The following UBIAD1 variants were observed in gnomAD, a reference collection of about 807,000 sequenced individuals.
The protein encoded by UBIAD1 is UbiA prenyltransferase domain containing 1, also known as ubiA prenyltransferase domain-containing protein 1.
A neutral mutation model predicts 20.1 loss-of-function variants in UBIAD1; 12 were observed. The ratio of observed to expected loss-of-function variants is 0.60; its 90% CI spans 0.38 to 0.97. The LOEUF is 0.97. UBIAD1 is among the 50% of genes least tolerant of loss of function. UBIAD1 has a pLI of 0.00. For synonymous variants in UBIAD1, 207 were observed against 189.2 expected, an observed-to-expected ratio of 1.09 and a Z score of -0.77; for missense variants, 333 against 419.5, an observed-to-expected ratio of 0.79 and a Z score of 1.80.
chr1:11,288,922 AC>A (rs1387777602), downstream of UBIAD1, among the ~76,000 whole-genome samples: 142 of 152,020 alleles, frequency 9.3e-4, 1 homozygote, highest in African/African-American at 2.8e-3. Flanking sequence ...AAAAAAAAAA[AC>A]AAAACAAAAA....
chr1:11,289,974 C>T (rs1335255786), downstream of UBIAD1, among the ~76,000 whole-genome samples: 2 of 151,982 alleles, frequency 1.3e-5, no homozygotes, highest in African/African-American at 4.8e-5. Flanking sequence ...TTGAGATTCA[C>T]CCGCCTTGGC....
At chr1:11,279,311 C>G (rs1467573300) in intron 1 of UBIAD1, 1 of 216,402 alleles carries the variant, frequency 4.6e-6, no homozygotes, top group Admixed American at 4.2e-5. Context: ...AAGGTTTTGA[C>G]CTGAGAACTG....
At chr1:11,281,615 T>G (rs1304576219) in intron 1 of UBIAD1, among the ~76,000 whole-genome samples, 1 of 152,164 alleles carries the variant, frequency 6.6e-6, no homozygotes, top group Non-Finnish European at 1.5e-5. Flanking sequence ...TGTTGCAGCT[T>G]GATGAATTTT....
At chr1:11,294,964 T>C in exon 2 of UBIAD1, 2 of 717,362 alleles carry the variant, frequency 2.8e-6, no homozygotes, top group Non-Finnish European at 5.2e-6. Context: ...CTTCTAGACC[T>C]GCCTCCTGAG....
intron 1 of UBIAD1, among the ~76,000 whole-genome samples, chr1:11,274,492 T>C (rs1257853972): frequency 6.6e-6 from 1 of 151,184 alleles, no homozygotes; most frequent in African/African-American, 2.4e-5. Flanking sequence ...AGAGACGGGG[T>C]GTCACCATGT....
At chr1:11,283,229 T>C (rs1652303710) in intron 1 of UBIAD1, among the ~76,000 whole-genome samples, 2 of 152,192 alleles carry the variant, frequency 1.3e-5, no homozygotes, top group South Asian at 4.1e-4. Flanking sequence ...AGGTCAAGGC[T>C]GTAGTGCTGT....
chr1:11,297,912 C>A (rs1338947132), downstream of UBIAD1, among the ~76,000 whole-genome samples: 4 of 151,966 alleles, frequency 2.6e-5, no homozygotes, highest in African/African-American at 9.7e-5. Context: ...CATCTGATGT[C>A]TGTTTTACCA....
At chr1:11,274,208 T>A in intron 1 of UBIAD1, 148 bp downstream of exon 1, 1 of 1,082,614 alleles carries the variant, frequency 9.2e-7, no homozygotes, top group East Asian at 2.6e-5. Context: ...GATGTGAATT[T>A]TTTGAAACAG....
At chr1:11,297,997 G>A (rs1001454009), downstream of UBIAD1, among the ~76,000 whole-genome samples, 64 of 150,592 alleles carry the variant, frequency 4.2e-4, no homozygotes, top group African/African-American at 1.6e-3. Context: ...TTTTGCTCTT[G>A]TTGCCCAGGC....
chr1:11,273,653 C>A lies in UBIAD1; in HGVS notation c.122C>A (p.Ser41Tyr). 1 of 1,614,176 alleles carries A rather than the reference C, an allele frequency of 6.2e-7. No individual in the cohort carries two copies. Among genetic ancestry groups the A allele is most frequent in the Non-Finnish European group, 8.5e-7 (1 of 1,180,044 alleles). ...GAGCAAGATAGGCTCCCCCAGCGCT[C>A]CTGGAGGCAGAAGTGTGCCTCCTAC... Reference protein sequence around the residue: ...CPEQDRLPQRSWRQKCASYVL... With the variant: ...CPEQDRLPQRYWRQKCASYVL... The change falls in exon 1 of 2, where the codon TCC becomes TAC. Residue 41 changes from serine to tyrosine, a missense_variant. Physicochemically the swap from Ser to Tyr is moderately radical, Grantham distance 144. Coordinates refer to ENST00000376810, the MANE Select transcript of UBIAD1 (RefSeq NM_013319.3). The surrounding 1 kb of genome is among the most constrained non-coding windows in gnomAD (Gnocchi z 4.9).
At chr1:11,298,047 A>C (rs979982314), downstream of UBIAD1, among the ~76,000 whole-genome samples, 11 of 151,242 alleles carry the variant, frequency 7.3e-5, no homozygotes, top group Non-Finnish European at 1.3e-4. This position sits in a 1 kb window ranked among gnomAD's most constrained non-coding sequence, Gnocchi z 4.0. Context: ...TGCCACCTCC[A>C]TCTTCTGGGT....
chr1:11,288,486 T>G (rs974007473), downstream of UBIAD1: 1 of 152,224 alleles, frequency 6.6e-6, no homozygotes, highest in African/African-American at 2.4e-5. Context: ...TGTCTGATTG[T>G]GAACTCTGAT....
At chr1:11,291,080 T>C (rs902114303), downstream of UBIAD1, among the ~76,000 whole-genome samples, 1 of 152,212 alleles carries the variant, frequency 6.6e-6, no homozygotes, top group Non-Finnish European at 1.5e-5. Flanking sequence ...TGAGCTAGAA[T>C]TTAATATGAT....
Position 11,285,624 on chromosome 1 carries a change from T to A in UBIAD1, c.530-20T>A, listed in dbSNP as rs745931989. The A allele has an allele frequency of 6.2e-7, 1 of 1,614,112 alleles. No individual in the cohort carries two copies. Among genetic ancestry groups the A allele is most frequent in the East Asian group, 2.2e-5 (1 of 44,888 alleles). On this transcript the variant is annotated intron_variant, in intron 1 of 1. Coordinates refer to ENST00000376810, the MANE Select transcript of UBIAD1 (RefSeq NM_013319.3). This position sits in a 1 kb window ranked among gnomAD's most constrained non-coding sequence, Gnocchi z 4.4. ...TCCAGCCTTGGTCTCACACCAACTC[T>A]CTGGATTTTCTGGCCGCAGGAATTG...
At chr1:11,277,626 A>C (rs752911448) in intron 1 of UBIAD1, among the ~76,000 whole-genome samples, 4 of 152,134 alleles carry the variant, frequency 2.6e-5, no homozygotes, top group Non-Finnish European at 5.9e-5. Flanking sequence ...TCACTAAGCA[A>C]GATGGATAAA....
At chr1:11,278,558 A>G in intron 1 of UBIAD1, 4 of 1,097,542 alleles carry the variant, frequency 3.6e-6, no homozygotes, top group Non-Finnish European at 4.9e-6. Flanking sequence ...TAATCAAGAC[A>G]TTAACACGAG....
chr1:11,285,613 C>T lies in UBIAD1; in HGVS notation c.530-31C>T. ...GTCCCTAAATTTCCAGCCTTGGTCTCACACCAACTCTCTGGATTTTCTGGC... is the reference window on the plus strand; with the variant it reads ...GTCCCTAAATTTCCAGCCTTGGTCTTACACCAACTCTCTGGATTTTCTGGC... On this transcript the variant is annotated intron_variant, in intron 1 of 1. Transcript: ENST00000376810. This position sits in a 1 kb window ranked among gnomAD's most constrained non-coding sequence, Gnocchi z 4.4. The T allele has an allele frequency of 6.2e-7, 1 of 1,613,964 alleles. No individual in the cohort carries two copies. Among genetic ancestry groups the T allele is most frequent in the Non-Finnish European group, 8.5e-7 (1 of 1,180,032 alleles).
intron 1 of UBIAD1, among the ~76,000 whole-genome samples, chr1:11,280,080 T>G (rs1652191975): frequency 6.6e-6 from 1 of 152,158 alleles, no homozygotes; most frequent in Non-Finnish European, 1.5e-5. Context: ...AAGGTGGTGG[T>G]GAAGGGAAGA....
intron 1 of UBIAD1, among the ~76,000 whole-genome samples, chr1:11,280,644 G>A (rs1652210984): frequency 6.6e-6 from 1 of 152,204 alleles, no homozygotes; most frequent in Admixed American, 6.5e-5. Context: ...GCCAAAAGCT[G>A]TGGGCATCGT....
Sources: gnomAD v4.1 joint callset for allele counts (sites outside exome capture counted in the v4.1 genomes callset) on GRCh38, gnomAD v4.1.1 for gene constraint, Gnocchi (gnomAD v3.1) non-coding constraint, MANE v1.5 for transcripts, NCBI Gene and HGNC (gene_info 2026-07-23, HGNC 2026-07-21) for gene names.